IFT27: variants seen among roughly 807,000 people sequenced by gnomAD.
IFT27 encodes the protein intraflagellar transport 27.
IFT27 carries 19 observed loss-of-function variants against 23.9 expected under a neutral mutation model. The ratio of observed to expected loss-of-function variants is 0.79; its 90% confidence interval spans 0.55 to 1.16. The LOEUF (loss-of-function observed/expected upper bound fraction) is 1.16, where lower values mean the gene tolerates loss of function less well. Among genes scored for constraint, IFT27 ranks in the 50% most tolerant of loss-of-function variants. The probability of loss-of-function intolerance (pLI) is 0.00; values close to 1 mark genes in which losing one functional copy is unlikely to be tolerated. For missense variants in IFT27, 206 were observed against 228.7 expected, an observed-to-expected ratio of 0.90 and a Z score of 0.64; for synonymous variants, 91 against 89.1, an observed-to-expected ratio of 1.02 and a Z score of -0.12.
At chr22:36,771,144 C>A (rs1479733591) in intron 1 of IFT27, among the ~76,000 whole-genome samples, 2 of 152,170 alleles carry the variant, frequency 1.3e-5, no homozygotes, top group Non-Finnish European at 2.9e-5. Context: ...TCTCAGAGAT[C>A]CACACCTTGG....
chr22:36,773,897 C>T (rs1248784678), intron 1 of IFT27, among the ~76,000 whole-genome samples: 1 of 152,086 alleles, frequency 6.6e-6, no homozygotes, highest in African/African-American at 2.4e-5. Context: ...AATGAGACCA[C>T]CTGTATTGAG....
In IFT27 at chr22:36,766,176, C is replaced by T. The variant is rs753092254; in HGVS notation, c.196G>A (p.Ala66Thr). 1 of 1,614,106 alleles carries T rather than the reference C, an allele frequency of 6.2e-7. No homozygotes were observed. The highest frequency in any genetic ancestry group is 2.2e-5 in the East Asian group (1 of 44,886). Residue 66 changes from alanine to threonine, a missense_variant, in exon 4 of 7, where the codon GCT becomes ACT. Physicochemically the swap from Ala to Thr is moderately conservative, Grantham distance 58. Transcript: ENST00000433985. ...ATTTCCGAAAACAGCTCCTTGCCAG[C>T]AGAGTCAAAAATGAAGAGTTCCTAC... ...DSVELFIFDS[A>T]GKELFSEMLD...
chr22:36,772,699 C>T (rs188772131), intron 1 of IFT27: 484 of 985,022 alleles, frequency 4.9e-4, no homozygotes, highest in South Asian at 1.0e-3. Flanking sequence ...GTGACTCTGA[C>T]GTAGTAGGTG....
At chr22:36,760,542 T>C (rs1938063402) in intron 6 of IFT27, 1 of 152,192 alleles carries the variant, frequency 6.6e-6, no homozygotes, top group Non-Finnish European at 1.5e-5. Flanking sequence ...TTCAGGCTAG[T>C]GTTCAGTCTG....
intron 1 of IFT27, among the ~76,000 whole-genome samples, chr22:36,774,765 T>C (rs1419802105): frequency 1.3e-5 from 2 of 151,828 alleles, no homozygotes; most frequent in South Asian, 2.1e-4. Context: ...TGAGCCGAGA[T>C]TGCGCCACTG....
At chr22:36,760,818 A>G (rs1938070587) in intron 6 of IFT27, 1 of 167,120 alleles carries the variant, frequency 6.0e-6, no homozygotes. Context: ...CCCTCATCAA[A>G]CGTTACTTCC....
At chr22:36,763,277 T>A (rs1938147310) in intron 5 of IFT27, 1 of 381,838 alleles carries the variant, frequency 2.6e-6, no homozygotes, top group Non-Finnish European at 4.7e-6. Context: ...CTCCCTTGCC[T>A]CCTTAAAGGG....
intron 2 of IFT27, among the ~76,000 whole-genome samples, 189 bp from the exon 3 acceptor site, chr22:36,767,554 C>T (rs1319619506): frequency 6.6e-6 from 1 of 152,202 alleles, no homozygotes; most frequent in African/African-American, 2.4e-5. Flanking sequence ...CTCCACCTCC[C>T]TGCCCTGATG....
intron 1 of IFT27, among the ~76,000 whole-genome samples, chr22:36,773,431 C>A (rs1291768033): frequency 6.6e-6 from 1 of 152,060 alleles, no homozygotes. Context: ...GCGGGCAGAT[C>A]ACCTGACGTC....
At chr22:36,772,548 C>G in intron 1 of IFT27, 2 of 985,406 alleles carry the variant, frequency 2.0e-6, no homozygotes, top group Non-Finnish European at 2.4e-6. Flanking sequence ...CAAGTAGCAG[C>G]TGTGCCTGGA....
Position 36,766,211 on chromosome 22 carries a change from A to C in IFT27, c.175-14T>G, listed in dbSNP as rs376529037. 34 of 1,613,360 alleles carry C rather than the reference A, an allele frequency of 2.1e-5. No individual in the cohort carries two copies. The African/African-American group carries it at 4.4e-4, about 21-fold the overall frequency. On this transcript the variant is annotated splice_polypyrimidine_tract_variant and intron_variant, in intron 3 of 6. Transcript: ENST00000433985. ...AATGAAGAGTTCCTACAATCAGAAA[A>C]GCAAGAAAAGTCTCCACGTGGAAAA... is the stretch of plus-strand genomic sequence containing the variant.
chr22:36,772,396 C>A (rs1389421322), intron 1 of IFT27: 2 of 586,662 alleles, frequency 3.4e-6, no homozygotes, highest in South Asian at 7.6e-5. Context: ...ATAGCACCTA[C>A]CCCACAGAAT....
chr22:36,773,026 G>C (rs1435805030), intron 1 of IFT27, among the ~76,000 whole-genome samples: 5 of 152,194 alleles, frequency 3.3e-5, no homozygotes, highest in Non-Finnish European at 5.9e-5. Context: ...GCTGCACTCA[G>C]GTGAAAGAAC....
In IFT27 at chr22:36,764,054, G is replaced by T. The variant is rs747240181; in HGVS notation, c.235-18C>A. The T allele has an allele frequency of 6.5e-7, 1 of 1,541,674 alleles. No homozygotes were observed. The highest frequency in any genetic ancestry group is 9.0e-7 in the Non-Finnish European group (1 of 1,113,804). On this transcript the variant is annotated intron_variant, in intron 4 of 6. Transcript: ENST00000433985. The stretch of plus-strand genomic sequence containing the variant: ...CTCTCCCACTGTGCAAGAGGGACAG[G>T]ATGAGTATGGGTCAGTAACAGGAAA...
chr22:36,764,462 A>C (rs913408351), intron 4 of IFT27, among the ~76,000 whole-genome samples: 1 of 152,238 alleles, frequency 6.6e-6, no homozygotes, highest in Non-Finnish European at 1.5e-5. Flanking sequence ...TTCTCTACCC[A>C]ACAATCTGCT....
At chr22:36,764,621 C>T (rs1249118373) in intron 4 of IFT27, among the ~76,000 whole-genome samples, 2 of 152,238 alleles carry the variant, frequency 1.3e-5, no homozygotes, top group Non-Finnish European at 2.9e-5. Context: ...CTTGCATCTT[C>T]TTAATAAGGG....
rs867141279 is a variant in IFT27 at position 36,775,888 on chromosome 22, G to A, written c.-181C>T. On this transcript the variant is annotated 5_prime_UTR_variant, in exon 1 of 7. Coordinates refer to ENST00000433985, the MANE Select transcript of IFT27 (RefSeq NM_001177701.3). Reference sequence around the variant, plus strand: ...ACCGAGCCCGGCCCTTCTGGGCCGGGGGCGGATATCGGGCGCTGGGGGCGG... The same window carrying A: ...ACCGAGCCCGGCCCTTCTGGGCCGGAGGCGGATATCGGGCGCTGGGGGCGG... 3.5e-6 allele frequency: 2 copies of A among 569,492 alleles called. No individual in the cohort carries two copies. Among genetic ancestry groups the A allele is most frequent in the South Asian group, 2.1e-5 (1 of 46,908 alleles). 35.3% of individuals were successfully genotyped at this position (569,492 alleles called of 1,614,324 possible). A position where few individuals can be genotyped will look rare whatever the true frequency, so the allele number is the denominator to read the frequency against.
At chr22:36,767,074 T>C (rs1215082759) in intron 3 of IFT27, 1 of 404,254 alleles carries the variant, frequency 2.5e-6, no homozygotes, top group Non-Finnish European at 4.5e-6. Flanking sequence ...ACCTTGATAG[T>C]AGAGAACAAG....
chr22:36,769,396 G>A (rs905557854), intron 1 of IFT27, among the ~76,000 whole-genome samples: 2 of 152,128 alleles, frequency 1.3e-5, no homozygotes, highest in African/African-American at 4.8e-5. Context: ...TCTCTGTCAC[G>A]CAGGCTGAAG....
Sources: allele counts gnomAD v4.1 joint callset (sites outside exome capture counted in the v4.1 genomes callset), GRCh38; gene constraint gnomAD v4.1.1; transcripts MANE v1.5; gene names NCBI Gene and HGNC (gene_info 2026-07-23, HGNC 2026-07-21).